Variants in STIM1 observed in about 807,000 individuals in gnomAD.
STIM1 encodes the protein stromal interaction molecule 1.
Under a neutral mutation model 74.7 loss-of-function variants are expected in STIM1, and 25 were observed. The observed-to-expected ratio is 0.33, with a 90% confidence interval of 0.24 to 0.47. The LOEUF (loss-of-function observed/expected upper bound fraction) is 0.47, where lower values mean the gene tolerates loss of function less well. Among genes scored for constraint, STIM1 ranks in the 20% least tolerant of loss-of-function variants. The pLI, the probability that STIM1 is intolerant of heterozygous loss-of-function variation, is 1.00. For synonymous variants in STIM1, 328 were observed against 348.8 expected (o/e 0.94, Z 0.66); for missense variants, 728 against 920.8 (o/e 0.79, Z 2.71).
intron 1 of STIM1, among the ~76,000 whole-genome samples, chr11:3,864,162 C>A (rs1337150822): frequency 2.0e-5 from 3 of 152,176 alleles, no homozygotes; most frequent in Admixed American, 2.0e-4. Flanking sequence ...ACCTCAGCTC[C>A]AGCTGTACTC....
intron 2 of STIM1, among the ~76,000 whole-genome samples, chr11:4,022,161 G>A (rs1456075355): frequency 6.6e-6 from 1 of 151,334 alleles, no homozygotes; most frequent in African/African-American, 2.4e-5. Flanking sequence ...GTAAAATCCC[G>A]TCTCTACCAA....
chr11:3,908,193 A>G (rs1229215736), intron 1 of STIM1, among the ~76,000 whole-genome samples: 1 of 152,218 alleles, frequency 6.6e-6, no homozygotes, highest in Non-Finnish European at 1.5e-5. Flanking sequence ...TGTTGACTGA[A>G]TGAACAAATG....
intron 2 of STIM1, among the ~76,000 whole-genome samples, chr11:4,004,699 C>G (rs1249617744): frequency 6.8e-6 from 1 of 146,486 alleles, no homozygotes; most frequent in Non-Finnish European, 1.5e-5. Context: ...GTCTAAAACA[C>G]CAAAAGCAAT....
intron 3 of STIM1, among the ~76,000 whole-genome samples, chr11:4,026,255 CCAGTCTTTTCTCTGTGTTATATAGATCT>C (rs1199314504): frequency 6.6e-6 from 1 of 152,132 alleles, no homozygotes; most frequent in Non-Finnish European, 1.5e-5. Context: ...ATGTTGGGAG[CCAGTCTTTTCTCTGTGTTATATAGATCT>C]TAGCAGAAAA....
At chr11:3,938,682 A>T (rs2092966491) in intron 1 of STIM1, among the ~76,000 whole-genome samples, 1 of 152,134 alleles carries the variant, frequency 6.6e-6, no homozygotes, top group African/African-American at 2.4e-5. Flanking sequence ...CCCTGTCTCT[A>T]CTAAAAATAT....
chr11:3,924,998 C>T (rs1269375865), intron 1 of STIM1, among the ~76,000 whole-genome samples: 1 of 152,090 alleles, frequency 6.6e-6, no homozygotes, highest in African/African-American at 2.4e-5. Context: ...CTAGAAAATA[C>T]CTCATGCTCC....
chr11:4,048,721 AATT>A (rs931773975), intron 3 of STIM1, among the ~76,000 whole-genome samples: 2 of 151,866 alleles, frequency 1.3e-5, no homozygotes, highest in East Asian at 1.9e-4. Flanking sequence ...CAGATATAAA[AATT>A]ATTATTATTA....
At chr11:3,863,049 C>A (rs2090688893) in intron 1 of STIM1, among the ~76,000 whole-genome samples, 1 of 151,580 alleles carries the variant, frequency 6.6e-6, no homozygotes. Flanking sequence ...CCCGCCACCA[C>A]ACCTGGCTAA....
At chr11:4,050,818 G>A (rs2094233836) in intron 3 of STIM1, among the ~76,000 whole-genome samples, 1 of 152,090 alleles carries the variant, frequency 6.6e-6, no homozygotes, top group Non-Finnish European at 1.5e-5. Flanking sequence ...TATTTTATAT[G>A]TTATATGTAT....
chr11:3,900,031 T>G (rs949207061), intron 1 of STIM1, among the ~76,000 whole-genome samples: 1 of 152,180 alleles, frequency 6.6e-6, no homozygotes, highest in Non-Finnish European at 1.5e-5. Flanking sequence ...GCTGGCCTCA[T>G]AAATTGAGTT....
chr11:3,946,874 T>C (rs903382084), intron 1 of STIM1, among the ~76,000 whole-genome samples: 2 of 152,220 alleles, frequency 1.3e-5, no homozygotes, highest in Non-Finnish European at 2.9e-5. Context: ...TGTGTGACAT[T>C]GGGCATAGCC....
In STIM1 at chr11:4,023,996, C is replaced by T; in HGVS notation, c.385+9C>T. 1 of 1,606,860 alleles carries T rather than the reference C, an allele frequency of 6.2e-7. No individual in the cohort carries two copies. Among genetic ancestry groups the T allele is most frequent in the Non-Finnish European group, 8.5e-7 (1 of 1,173,566 alleles). On this transcript the variant is annotated intron_variant, in intron 3 of 12. Transcript: ENST00000526596. ...ATGGAAGTCATCAGAAGGTAATAGG[C>T]AGCCTGGTCATCAATCCTAGTTGTG...
At chr11:4,088,932 A>G in intron 12 of STIM1, 1 of 566,768 alleles carries the variant, frequency 1.8e-6, no homozygotes, top group Non-Finnish European at 3.2e-6. Context: ...TGAGAGAGGC[A>G]TAGAAGGACA....
chr11:4,039,279 G>A (rs2094128811), intron 3 of STIM1, among the ~76,000 whole-genome samples: 2 of 151,876 alleles, frequency 1.3e-5, no homozygotes, highest in Admixed American at 1.3e-4. Flanking sequence ...GTGACAGAAT[G>A]AAACCCTATC....
intron 3 of STIM1, among the ~76,000 whole-genome samples, chr11:4,050,226 A>G (rs2094228548): frequency 6.6e-6 from 1 of 152,208 alleles, no homozygotes; most frequent in Non-Finnish European, 1.5e-5. Flanking sequence ...CTTGGGTTAC[A>G]TACTCTACTT....
chr11:3,970,598 GT>G (rs1051107309), intron 2 of STIM1, among the ~76,000 whole-genome samples: 1 of 148,658 alleles, frequency 6.7e-6, no homozygotes, highest in African/African-American at 2.5e-5. Flanking sequence ...TTTAATACAC[GT>G]GTTCTTAACA....
chr11:3,909,054 G>A (rs1488179894), intron 1 of STIM1, among the ~76,000 whole-genome samples: 2 of 152,206 alleles, frequency 1.3e-5, no homozygotes, highest in Non-Finnish European at 2.9e-5. Context: ...TAGTACTAGT[G>A]TTACTTTGGG....
At chr11:3,994,053 T>G (rs968854968) in intron 2 of STIM1, among the ~76,000 whole-genome samples, 1 of 152,162 alleles carries the variant, frequency 6.6e-6, no homozygotes, top group Non-Finnish European at 1.5e-5. Flanking sequence ...TTGTAAGGTG[T>G]GTCAGTTAGC....
rs1219478581 is a variant in STIM1, at chr11:4,011,965, A to G, written c.271-11908A>G. On this transcript the variant is annotated intron_variant, in intron 2 of 12. Coordinates refer to ENST00000526596, the MANE Select transcript of STIM1 (RefSeq NM_001382567.1). ...ATGGCTAGCCAGTTTTCCCAGCACC[A>G]TTTATTAAATAGGGAATCCCTTCTC... Among the ~76,000 whole-genome samples, 4 of 152,200 alleles carry G rather than the reference A, an allele frequency of 2.6e-5. No individual in the cohort carries two copies. The East Asian group carries it at 5.8e-4, about 22-fold the overall frequency.
Sources: gnomAD v4.1 joint callset for allele counts (sites outside exome capture counted in the v4.1 genomes callset) on GRCh38, gnomAD v4.1.1 for gene constraint, MANE v1.5 for transcripts, NCBI Gene and HGNC (gene_info 2026-07-23, HGNC 2026-07-21) for gene names.